The following PDHX variants were observed in gnomAD, a reference collection of about 807,000 sequenced individuals.
PDHX encodes the protein pyruvate dehydrogenase complex component X.
Under a neutral mutation model 55.3 loss-of-function variants are expected in PDHX, and 33 were observed. The ratio of observed to expected loss-of-function variants is 0.60; its 90% CI spans 0.45 to 0.80. The LOEUF (loss-of-function observed/expected upper bound fraction) is 0.80. PDHX is among the 30% of genes least tolerant of loss of function. PDHX has a pLI of 0.00. For missense variants in PDHX, 622 were observed against 619.9 expected, an observed-to-expected ratio of 1.00 and a Z score of -0.04; for synonymous variants, 226 against 219.4, an observed-to-expected ratio of 1.03 and a Z score of -0.27.
intron 7 of PDHX, 53 bp downstream of exon 7, chr11:34,970,339 T>C: frequency 7.3e-7 from 1 of 1,372,796 alleles, no homozygotes; most frequent in Non-Finnish European, 1.0e-6. Context: ...TTAACTTTCA[T>C]GAAATCCTTT....
intron 7 of PDHX, chr11:34,977,686 G>A (rs1019119087): frequency 2.2e-6 from 1 of 445,506 alleles, no homozygotes; most frequent in Non-Finnish European, 4.5e-6. Context: ...AGTATAATCA[G>A]TATGTTATAA....
At chr11:34,948,960 C>T (rs1434719941) in intron 3 of PDHX, among the ~76,000 whole-genome samples, 1 of 152,120 alleles carries the variant, frequency 6.6e-6, no homozygotes, top group Non-Finnish European at 1.5e-5. Flanking sequence ...CACTTAGCTG[C>T]TTAGTAATAC....
chr11:34,977,777 C>T (rs555418516), intron 7 of PDHX: 5 of 461,622 alleles, frequency 1.1e-5, no homozygotes, highest in African/African-American at 9.9e-5. Flanking sequence ...GCACACACCA[C>T]AGAGAGATCA....
chr11:34,929,076 C>T (rs1854092298), intron 1 of PDHX, among the ~76,000 whole-genome samples: 2 of 152,114 alleles, frequency 1.3e-5, no homozygotes, highest in Non-Finnish European at 2.9e-5. Context: ...AGTTGGATGG[C>T]TTTGTTCTTC....
intron 8 of PDHX, among the ~76,000 whole-genome samples, chr11:34,982,798 A>G (rs1052554749): frequency 2.0e-5 from 3 of 152,196 alleles, no homozygotes; most frequent in Non-Finnish European, 4.4e-5. Flanking sequence ...ACCAACTAAA[A>G]AAAGTCCAGG....
intron 1 of PDHX, among the ~76,000 whole-genome samples, chr11:34,917,591 A>G (rs1012280916): frequency 2.0e-5 from 3 of 152,108 alleles, no homozygotes; most frequent in Non-Finnish European, 2.9e-5. Context: ...GTGACGTATT[A>G]CCTGCCAATC....
intron 6 of PDHX, among the ~76,000 whole-genome samples, chr11:34,968,107 C>CA (rs1855173876): frequency 5.9e-5 from 9 of 151,778 alleles, no homozygotes; most frequent in Admixed American, 5.3e-4. Flanking sequence ...CTCATCTCTA[C>CA]AAAAAAATTT....
chr11:34,986,082 A>G (rs1210614848), intron 9 of PDHX, among the ~76,000 whole-genome samples: 2 of 152,220 alleles, frequency 1.3e-5, no homozygotes, highest in Admixed American at 1.3e-4. Flanking sequence ...AGGCAGGCAG[A>G]TCACTTGAGG....
chr11:34,930,140 C>T (rs1467089616), intron 1 of PDHX, among the ~76,000 whole-genome samples: 2 of 152,066 alleles, frequency 1.3e-5, no homozygotes, highest in African/African-American at 4.8e-5. Context: ...GTGTCTAGCA[C>T]GTGGATGGAG....
At chr11:34,972,129 G>T (rs1370061927) in intron 7 of PDHX, among the ~76,000 whole-genome samples, 1 of 151,266 alleles carries the variant, frequency 6.6e-6, no homozygotes, top group African/African-American at 2.4e-5. Flanking sequence ...TGACTAAAGG[G>T]TTATCAGTTC....
intron 3 of PDHX, among the ~76,000 whole-genome samples, chr11:34,952,246 A>C (rs575188488): frequency 6.6e-6 from 1 of 152,072 alleles, no homozygotes; most frequent in Non-Finnish European, 1.5e-5. Context: ...TTCACAGCCA[A>C]ATTCTACCAG....
rs1854926593 is a variant in PDHX at position 34,957,360 on chromosome 11, C to T, written c.343-24C>T. On this transcript the variant is annotated intron_variant, in intron 3 of 10. Coordinates refer to ENST00000227868, the MANE Select transcript of PDHX (RefSeq NM_003477.3). ...GCAGTCATGGGGTTTTACTTCTCTA[C>T]AGTTACTTCTTTTTTAAATATAGGT... 3 of 1,462,962 alleles carry T rather than the reference C, an allele frequency of 2.1e-6. No homozygotes were observed. In the African/African-American group the frequency reaches 4.2e-5, roughly 20 times the overall value. 90.6% of individuals were successfully genotyped at this position (1,462,962 alleles called of 1,614,324 possible).
At position 34,995,084 on chromosome 11, in the gene PDHX, G is replaced by T. The variant is rs755241681; in HGVS notation, c.1418G>T (p.Ser473Ile). The change falls in exon 11 of 11, where the codon AGT becomes ATT. Residue 473 changes from serine to isoleucine, a missense_variant. Physicochemically the swap from Ser to Ile is moderately radical, Grantham distance 142 (BLOSUM62 -2). Coordinates refer to ENST00000227868, the MANE Select transcript of PDHX (RefSeq NM_003477.3). Reference protein sequence around the residue: ...QRQLITVTMSSDSRVVDDELA... With the variant: ...QRQLITVTMSIDSRVVDDELA... Reference sequence around the variant, plus strand: ...CAGCTCATAACAGTCACAATGTCAAGTGACAGTCGAGTGGTTGATGACGAA... The same window carrying T: ...CAGCTCATAACAGTCACAATGTCAATTGACAGTCGAGTGGTTGATGACGAA... The T allele has an allele frequency of 6.2e-7, 1 of 1,613,938 alleles. No homozygotes were observed. The highest frequency in any genetic ancestry group is 1.3e-5 in the African/African-American group (1 of 74,904).
intron 5 of PDHX, among the ~76,000 whole-genome samples, chr11:34,965,763 T>C (rs933425756): frequency 1.3e-5 from 2 of 152,200 alleles, no homozygotes; most frequent in Non-Finnish European, 2.9e-5. Flanking sequence ...GGAAAAATAA[T>C]ACCAAAATAT....
At chr11:34,937,860 C>G (rs1854371835) in intron 2 of PDHX, among the ~76,000 whole-genome samples, 1 of 152,036 alleles carries the variant, frequency 6.6e-6, no homozygotes, top group Non-Finnish European at 1.5e-5. Flanking sequence ...AGCTTCTAAT[C>G]CAAACCATAC....
chr11:34,971,850 T>C (rs1306321853), intron 7 of PDHX, among the ~76,000 whole-genome samples: 1 of 152,150 alleles, frequency 6.6e-6, no homozygotes, highest in Non-Finnish European at 1.5e-5. Flanking sequence ...GTATTATTTC[T>C]TTTTTAATTG....
chr11:34,916,025 C>G, upstream of PDHX: 1 of 659,848 alleles, frequency 1.5e-6, no homozygotes, highest in East Asian at 3.0e-5. Flanking sequence ...AGCGCCCCGC[C>G]CGAGACCACT....
intron 1 of PDHX, among the ~76,000 whole-genome samples, chr11:34,918,280 A>G (rs1565145240): frequency 6.6e-6 from 1 of 151,634 alleles, no homozygotes; most frequent in African/African-American, 2.4e-5. Flanking sequence ...TCTACTTAAA[A>G]AAAAAAAAAG....
At chr11:34,921,709 C>T (rs1853884497) in intron 1 of PDHX, among the ~76,000 whole-genome samples, 2 of 152,140 alleles carry the variant, frequency 1.3e-5, no homozygotes, top group African/African-American at 4.8e-5. Flanking sequence ...GATGTTTGCC[C>T]ATCCAAAGAA....
Sources: gnomAD v4.1 joint callset for allele counts (sites outside exome capture counted in the v4.1 genomes callset) on GRCh38, gnomAD v4.1.1 for gene constraint, MANE v1.5 for transcripts, NCBI Gene and HGNC (gene_info 2026-07-23, HGNC 2026-07-21) for gene names.